The following TMEM201 variants were observed in gnomAD, a reference collection of about 807,000 sequenced individuals.
TMEM201 encodes RP13-15M17.2.
In TMEM201, 26 loss-of-function variants were observed where a neutral mutation model predicts 63.4. The observed-to-expected ratio is 0.41, with a 90% CI of 0.30 to 0.57. TMEM201 has a LOEUF of 0.57. TMEM201 is among the 20% of genes least tolerant of loss of function. The pLI is 0.29. For synonymous variants in TMEM201, 417 were observed against 421.6 expected (o/e 0.99, Z 0.14); for missense variants, 794 against 917.7 (o/e 0.87, Z 1.74).
chr1:9,613,827 AC>A lies in TMEM201; in HGVS notation c.*745del, dbSNP rs1644357271. On this transcript the variant is annotated 3_prime_UTR_variant, in exon 11 of 11. Transcript: ENST00000340381. ...CCTCGCCCTGTGTTTCCAGGCCTGC[AC>A]GTCTGGTCCTTCAGCTGCACATGGA... 6.6e-6 allele frequency: 1 copy of A among 152,378 alleles called. No individual in the cohort carries two copies. Among genetic ancestry groups the A allele is most frequent in the South Asian group, 2.1e-4 (1 of 4,834 alleles). The allele number at this position is 152,378 out of a possible 1,614,324, so 9.4% of individuals were successfully genotyped here.
Position 9,607,893 on chromosome 1 carries a change from C to T in TMEM201, c.1393+104C>T. 9.0e-7 allele frequency: 1 copy of T among 1,108,808 alleles called. No individual in the cohort carries two copies. The highest frequency in any genetic ancestry group is 1.3e-6 in the Non-Finnish European group (1 of 786,032). 68.7% of individuals were successfully genotyped at this position (1,108,808 alleles called of 1,614,324 possible). ...GGGAGGGCCGGGAGTGGTTAGTGTTCCTGCTGCAGAGACAGGCAGCACAGA... is the reference window on the plus strand; with the variant it reads ...GGGAGGGCCGGGAGTGGTTAGTGTTTCTGCTGCAGAGACAGGCAGCACAGA... On this transcript the variant is annotated intron_variant, in intron 7 of 10. Transcript: ENST00000340381. The surrounding 1 kb of genome is among the most constrained non-coding windows in gnomAD (Gnocchi z 5.4).
chr1:9,591,052 C>CT (rs1181359028), intron 1 of TMEM201, among the ~76,000 whole-genome samples: 1 of 152,164 alleles, frequency 6.6e-6, no homozygotes, highest in African/African-American at 2.4e-5. Flanking sequence ...CCACCTTGTG[C>CT]TTTAGGACTG....
intron 10 of TMEM201, 63 bp from the exon 11 acceptor site, chr1:9,612,923 T>C: frequency 2.8e-6 from 4 of 1,418,510 alleles, no homozygotes; most frequent in Non-Finnish European, 3.9e-6. Flanking sequence ...TCTAGGGGGC[T>C]GCTCAGCTGC....
In TMEM201 at chr1:9,613,152, C is replaced by G. The variant is rs1644348690; in HGVS notation, c.*69C>G. 1 of 1,482,108 alleles carries G rather than the reference C, an allele frequency of 6.7e-7. No individual in the cohort carries two copies. The highest frequency in any genetic ancestry group is 2.0e-5 in the Admixed American group (1 of 50,842). The allele number at this position is 1,482,108 out of a possible 1,614,324, so 91.8% of individuals were successfully genotyped here. Reference sequence around the variant, plus strand: ...TGCTTCACCACTGCCGGCCTCAGGACCCTCCCTGGAGGGGCTGCCACCTCT... The same window carrying G: ...TGCTTCACCACTGCCGGCCTCAGGAGCCTCCCTGGAGGGGCTGCCACCTCT... On this transcript the variant is annotated 3_prime_UTR_variant, in exon 11 of 11. Coordinates refer to ENST00000340381, the MANE Select transcript of TMEM201 (RefSeq NM_001130924.3).
At chr1:9,599,847 C>G (rs1644103311) in intron 4 of TMEM201, among the ~76,000 whole-genome samples, 1 of 152,160 alleles carries the variant, frequency 6.6e-6, no homozygotes, top group Non-Finnish European at 1.5e-5. Context: ...ATCCGCCCGC[C>G]TCAGCCTCCC....
chr1:9,595,831 T>C, intron 1 of TMEM201, 59 bp from the exon 2 acceptor site: 1 of 1,605,222 alleles, frequency 6.2e-7, no homozygotes, highest in Non-Finnish European at 8.5e-7. Context: ...GGCATGGAGG[T>C]CCCTCTCCAG....
chr1:9,605,901 C>T lies in TMEM201; in HGVS notation c.1161-1656C>T, dbSNP rs1479239107. 6.6e-6 allele frequency among the ~76,000 whole-genome samples: 1 copy of T among 152,202 alleles called. No homozygotes were observed. Among genetic ancestry groups the T allele is most frequent in the African/African-American group, 2.4e-5 (1 of 41,446 alleles). ...ACAGCCCACTAGGACCCTCCTTTCA[C>T]ACATCCCCCAACGGTACTCTCAGGT... On this transcript the variant is annotated intron_variant, in intron 6 of 10. Transcript: ENST00000340381. This position sits in a 1 kb window ranked among gnomAD's most constrained non-coding sequence, Gnocchi z 5.7.
chr1:9,600,438 A>G (rs1357583184), intron 4 of TMEM201, among the ~76,000 whole-genome samples: 3 of 152,128 alleles, frequency 2.0e-5, no homozygotes, highest in Admixed American at 1.3e-4. Flanking sequence ...GGACGAATGC[A>G]AGTGCCAGGA....
chr1:9,598,328 A>G, intron 3 of TMEM201, 121 bp from the exon 4 acceptor site: 1 of 1,220,712 alleles, frequency 8.2e-7, no homozygotes, highest in South Asian at 1.4e-5. Context: ...AGTGGGGTTG[A>G]CTTGCCCCCG....
chr1:9,590,988 C>T (rs945247333), intron 1 of TMEM201, among the ~76,000 whole-genome samples: 1 of 152,188 alleles, frequency 6.6e-6, no homozygotes, highest in African/African-American at 2.4e-5. Context: ...TGTTTGCAGG[C>T]TCAGCACAGA....
rs775809692 is a variant in TMEM201 at position 9,596,954 on chromosome 1, G to A, written c.330G>A (p.Pro110=). The part of the protein sequence containing the change: ...SAPSLRDPSQ[P]QQWVSSQVLL... ...CCAGCCTGCGCGACCCTTCGCAGCCGCAGCAGTGGGTGAGCAGCCAAGTCC... is the reference window on the plus strand; with the variant it reads ...CCAGCCTGCGCGACCCTTCGCAGCCACAGCAGTGGGTGAGCAGCCAAGTCC... The change falls in exon 3 of 11, where the codon CCG becomes CCA. Residue 110 remains proline, a synonymous_variant. Transcript: ENST00000340381. The A allele has an allele frequency of 1.3e-5, 21 of 1,612,942 alleles. No homozygotes were observed. Among genetic ancestry groups the A allele is most frequent in the Admixed American group, 1.7e-5 (1 of 60,008 alleles).
chr1:9,611,490 G>A (rs533951990), intron 9 of TMEM201, among the ~76,000 whole-genome samples: 35 of 152,328 alleles, frequency 2.3e-4, no homozygotes, highest in Admixed American at 8.5e-4. Context: ...GGGCCACTGC[G>A]CCCGGCCTCG....
intron 5 of TMEM201, 122 bp from the exon 6 acceptor site, chr1:9,601,947 A>G (rs1457940153): frequency 8.2e-7 from 1 of 1,214,326 alleles, no homozygotes; most frequent in Admixed American, 2.7e-5. Context: ...CCGAGCCCAC[A>G]CTGTCCCCTG....
chr1:9,593,448 A>T (rs539970108), intron 1 of TMEM201, among the ~76,000 whole-genome samples: 1 of 152,280 alleles, frequency 6.6e-6, no homozygotes, highest in Non-Finnish European at 1.5e-5. Flanking sequence ...TGCTCTGGCC[A>T]CCAGAGAGCC....
At chr1:9,609,342 T>C (rs1170056249) in intron 7 of TMEM201, among the ~76,000 whole-genome samples, 1 of 152,200 alleles carries the variant, frequency 6.6e-6, no homozygotes, top group African/African-American at 2.4e-5. Context: ...GCCCCTGCCC[T>C]TGGGGTGCGT....
rs371304568 is a variant in TMEM201, at chr1:9,598,513, G to A, written c.494G>A (p.Arg165Gln). The A allele has an allele frequency of 1.7e-5, 27 of 1,613,900 alleles. No homozygotes were observed. The highest frequency in any genetic ancestry group is 8.3e-5 in the Admixed American group (5 of 60,004). ...HHLEQMYKLCRPCQAAVEYYI... is the reference protein window; with the variant it reads ...HHLEQMYKLCQPCQAAVEYYI... Reference sequence around the variant, plus strand: ...CTGGAGCAGATGTACAAGCTGTGCCGGCCGTGCCAAGCGGCTGTGGAGTAC... The same window carrying A: ...CTGGAGCAGATGTACAAGCTGTGCCAGCCGTGCCAAGCGGCTGTGGAGTAC... The change falls in exon 4 of 11, where the codon CGG becomes CAG. Residue 165 changes from arginine to glutamine, a missense_variant. Coordinates refer to ENST00000340381, the MANE Select transcript of TMEM201 (RefSeq NM_001130924.3).
chr1:9,593,334 C>G (rs969631289), intron 1 of TMEM201, among the ~76,000 whole-genome samples: 3 of 152,354 alleles, frequency 2.0e-5, no homozygotes, highest in Admixed American at 2.0e-4. Flanking sequence ...CCATCGACCC[C>G]TGGCCTACCT....
At chr1:9,598,050 G>A (rs1281226619) in intron 3 of TMEM201, among the ~76,000 whole-genome samples, 2 of 152,186 alleles carry the variant, frequency 1.3e-5, no homozygotes, top group African/African-American at 4.8e-5. Context: ...AAGGGCAAGC[G>A]CCACAGTCGG....
chr1:9,602,214 T>C lies in TMEM201; in HGVS notation c.1102T>C (p.Phe368Leu). 1 of 1,612,808 alleles carries C rather than the reference T, an allele frequency of 6.2e-7. No homozygotes were observed. Among genetic ancestry groups the C allele is most frequent in the Non-Finnish European group, 8.5e-7 (1 of 1,179,974 alleles). Residue 368 changes from phenylalanine (F) to leucine (L), a missense_variant, in exon 6 of 11, where the codon TTC becomes CTC. By Grantham distance (22) the Phe-to-Leu change is conservative. Transcript: ENST00000340381. ...CACATCTTTGTGCTGCCTGGTTGGC[T>C]TCACGGCGGCTGTGGCCACAAGGAA... ...STTSLCCLVG[F>L]TAAVATRKAT...
Sources: allele counts gnomAD v4.1 joint callset (sites outside exome capture counted in the v4.1 genomes callset), GRCh38; gene constraint gnomAD v4.1.1; non-coding constraint Gnocchi (gnomAD v3.1); transcripts MANE v1.5; gene names NCBI Gene and HGNC (gene_info 2026-07-23, HGNC 2026-07-21).